SLC5A10: variants seen among roughly 807,000 people sequenced by gnomAD.
The protein encoded by SLC5A10 is sodium/mannose cotransporter SLC5A10.
In SLC5A10, 55 loss-of-function variants were observed where a neutral mutation model predicts 68.9. The observed-to-expected ratio is 0.80, with a 90% confidence interval of 0.64 to 1.00. The LOEUF is 1.00. Among genes scored for constraint, SLC5A10 ranks in the 50% least tolerant of loss-of-function variants. The probability of loss-of-function intolerance (pLI) is 0.00; values close to 1 mark genes in which losing one functional copy is unlikely to be tolerated. For synonymous variants in SLC5A10, 344 were observed against 344.8 expected, an observed-to-expected ratio of 1.00 and a Z score of 0.02; for missense variants, 732 against 819.3, an observed-to-expected ratio of 0.89 and a Z score of 1.30.
rs1397182034 is a variant in SLC5A10, at chr17:19,003,143, G to T, written c.983-10267G>T. On this transcript the variant is annotated intron_variant, in intron 9 of 14. Coordinates refer to ENST00000395645, the MANE Select transcript of SLC5A10 (RefSeq NM_001042450.4). This position sits in a 1 kb window ranked among gnomAD's most constrained non-coding sequence, Gnocchi z 4.5. ...CTCCCCACCAGAGAGCTCATGGTGT[G>T]TGCGCGCCTTTACAGTGAATCAGAG... Among the ~76,000 whole-genome samples, 2 of 151,412 alleles carry T rather than the reference G, an allele frequency of 1.3e-5. No homozygotes were observed. The highest frequency in any genetic ancestry group is 2.9e-5 in the Non-Finnish European group (2 of 67,912).
In SLC5A10 at chr17:19,021,036, C is replaced by T. The variant is rs2044257004; in HGVS notation, c.*605C>T. On this transcript the variant is annotated 3_prime_UTR_variant, in exon 15 of 15. Coordinates refer to ENST00000395645, the MANE Select transcript of SLC5A10 (RefSeq NM_001042450.4). The surrounding 1 kb of genome is among the most constrained non-coding windows in gnomAD (Gnocchi z 4.1). ...GCCCTGCTCATATCCCTGATCATGG[C>T]ACATTCTCTGGAGGACCCTCCTGTT... The T allele has an allele frequency of 6.5e-6, 1 of 152,896 alleles. No homozygotes were observed. The highest frequency in any genetic ancestry group is 1.5e-5 in the Non-Finnish European group (1 of 68,590). The allele number at this position is 152,896 out of a possible 1,614,324, so 9.5% of individuals were successfully genotyped here. A position where few individuals can be genotyped will look rare whatever the true frequency, so the allele number is the denominator to read the frequency against.
In SLC5A10 at chr17:19,017,780, C is replaced by T. The variant is rs2044171900; in HGVS notation, c.1242-1643C>T. ...CCCTCCTTGAGATGTTCCACAGTAA[C>T]TGTGGCTGCAGCCCAGGGAGATGCT... On this transcript the variant is annotated intron_variant, in intron 11 of 14. Transcript: ENST00000395645. This position sits in a 1 kb window ranked among gnomAD's most constrained non-coding sequence, Gnocchi z 5.6. 1 of 184,802 alleles carries T rather than the reference C, an allele frequency of 5.4e-6. No homozygotes were observed. Among genetic ancestry groups the T allele is most frequent in the Admixed American group, 5.8e-5 (1 of 17,342 alleles). The allele number at this position is 184,802 out of a possible 1,614,324, so 11.4% of individuals were successfully genotyped here.
intron 8 of SLC5A10, among the ~76,000 whole-genome samples, chr17:18,972,812 T>C (rs1481907758): frequency 6.7e-6 from 1 of 149,220 alleles, no homozygotes; most frequent in Admixed American, 6.7e-5. Context: ...CAGTGAGCAG[T>C]GAGCCGAGAT....
rs747351505 is a variant in SLC5A10, at chr17:18,958,772, C to T, written c.183+19C>T. The T allele has an allele frequency of 1.9e-6, 3 of 1,613,674 alleles. No homozygotes were observed. The Admixed American group carries it at 5.0e-5, about 27-fold the overall frequency. On this transcript the variant is annotated intron_variant, in intron 2 of 14. Transcript: ENST00000395645. ...GTGGCCGGTGAGTGCACCCTGACTTCTCACACACCCCCACTTTGTCCGTGG... is the reference window on the plus strand; with the variant it reads ...GTGGCCGGTGAGTGCACCCTGACTTTTCACACACCCCCACTTTGTCCGTGG...
intron 9 of SLC5A10, chr17:18,978,908 C>G (rs1245316134): frequency 2.2e-5 from 35 of 1,578,376 alleles, no homozygotes; most frequent in Non-Finnish European, 3.0e-5. Context: ...TCCGCCCAGC[C>G]CCCGTGCACC....
In SLC5A10 at chr17:18,958,761, C is replaced by A. The variant is rs777243900; in HGVS notation, c.183+8C>A. On this transcript the variant is annotated splice_region_variant and intron_variant, in intron 2 of 14. Transcript: ENST00000395645. ...GACATGACGTGGTGGCCGGTGAGTGCACCCTGACTTCTCACACACCCCCAC... is the reference window on the plus strand; with the variant it reads ...GACATGACGTGGTGGCCGGTGAGTGAACCCTGACTTCTCACACACCCCCAC... The A allele has an allele frequency of 6.2e-7, 1 of 1,614,084 alleles. No homozygotes were observed. The highest frequency in any genetic ancestry group is 1.7e-5 in the Admixed American group (1 of 60,022).
In SLC5A10 at chr17:18,968,994, A is replaced by G. The variant is rs2042769264; in HGVS notation, c.454-58A>G. On this transcript the variant is annotated intron_variant, in intron 5 of 14. Transcript: ENST00000395645. The surrounding 1 kb of genome is among the most constrained non-coding windows in gnomAD (Gnocchi z 4.1). ...GGGCCTTGCCCGAGGTCACCCAGGG[A>G]GTGGCTTGCTGGAGCCCTGGGAATA... 6.5e-7 allele frequency: 1 copy of G among 1,534,958 alleles called. No homozygotes were observed. Among genetic ancestry groups the G allele is most frequent in the East Asian group, 2.3e-5 (1 of 43,410 alleles).
At chr17:18,977,831 GC>G in intron 9 of SLC5A10, 1 of 1,609,724 alleles carries the variant, frequency 6.2e-7, no homozygotes. Context: ...CACAGAGGAA[GC>G]CACTGAGGGC....
chr17:18,951,700 T>G (rs1297966557), upstream of SLC5A10: 2 of 153,838 alleles, frequency 1.3e-5, no homozygotes. Context: ...TGAGCCATAA[T>G]GCAGGTGTCC....
At chr17:19,011,189 T>C (rs1021418462) in intron 9 of SLC5A10, among the ~76,000 whole-genome samples, 32 of 152,274 alleles carry the variant, frequency 2.1e-4, no homozygotes, top group African/African-American at 7.7e-4. Context: ...TCTTTGGCCT[T>C]AGGAGCCCTT....
At chr17:18,961,090 C>T (rs2042605623) in intron 5 of SLC5A10, among the ~76,000 whole-genome samples, 2 of 152,212 alleles carry the variant, frequency 1.3e-5, no homozygotes, top group Non-Finnish European at 2.9e-5. Context: ...ATCACTGACA[C>T]CCATCCTTGG....
In SLC5A10 at chr17:18,959,192, G is replaced by T. The variant is rs2151992901; in HGVS notation, c.241G>T (p.Gly81Cys). The change falls in exon 3 of 15, where the codon GGC becomes TGC. Residue 81 changes from glycine to cysteine, a missense_variant. Gly to Cys is a radical substitution (Grantham distance 159). Transcript: ENST00000395645. ...EGSGLFIGLA[G>C]SGAAGGLAVA... The stretch of plus-strand genomic sequence containing the variant: ...CTCTGGCCTCTTCATTGGACTGGCG[G>T]GCTCAGGCGCGGCAGGAGGTCTGGC... 3.7e-6 allele frequency: 6 copies of T among 1,613,694 alleles called. No individual in the cohort carries two copies. The highest frequency in any genetic ancestry group is 5.1e-6 in the Non-Finnish European group (6 of 1,180,004).
At chr17:18,977,498 G>T in intron 9 of SLC5A10, 2 of 1,310,678 alleles carry the variant, frequency 1.5e-6, no homozygotes, top group Non-Finnish European at 2.1e-6. Context: ...TCAGGGACAT[G>T]GTAGCCCAGA....
intron 9 of SLC5A10, among the ~76,000 whole-genome samples, chr17:18,984,566 AGAAACGG>A (rs879528134): frequency 6.6e-6 from 1 of 152,224 alleles, no homozygotes; most frequent in Non-Finnish European, 1.5e-5. Flanking sequence ...TTTGTTCATC[AGAAACGG>A]GAAACGGGTC....
intron 8 of SLC5A10, among the ~76,000 whole-genome samples, chr17:18,975,361 G>A (rs753767189): frequency 1.3e-5 from 2 of 152,150 alleles, no homozygotes; most frequent in African/African-American, 4.8e-5. Context: ...GCTGGGAGCC[G>A]TCCGTTAAAC....
At chr17:18,966,088 GGCCGTGAAGCACTGGCA>G (rs1383070078) in intron 5 of SLC5A10, among the ~76,000 whole-genome samples, 3 of 152,208 alleles carry the variant, frequency 2.0e-5, no homozygotes, top group African/African-American at 7.2e-5. Flanking sequence ...GGACAACCAG[GGCCGTGAAGCACTGGCA>G]GGGTTTCTGG....
intron 9 of SLC5A10, among the ~76,000 whole-genome samples, chr17:18,984,499 C>A (rs1433485219): frequency 6.6e-6 from 1 of 152,248 alleles, no homozygotes; most frequent in Non-Finnish European, 1.5e-5. Flanking sequence ...GCCTGAGCGG[C>A]AGCGATCCTC....
At chr17:19,014,944 G>A (rs913617533) in intron 10 of SLC5A10, 105 bp from the exon 11 acceptor site, 2 of 1,366,320 alleles carry the variant, frequency 1.5e-6, no homozygotes, top group Non-Finnish European at 2.0e-6. Context: ...CCTTGGAGGA[G>A]CATGCAAATG....
chr17:18,982,585 AGGGGAGGACGGCC>A (rs1310407689), intron 9 of SLC5A10, among the ~76,000 whole-genome samples: 2 of 152,176 alleles, frequency 1.3e-5, no homozygotes, highest in African/African-American at 4.8e-5. Context: ...GAGTCAGGGC[AGGGGAGGACGGCC>A]GGGTGGTGCT....
Sources: allele counts gnomAD v4.1 joint callset (sites outside exome capture counted in the v4.1 genomes callset), GRCh38; gene constraint gnomAD v4.1.1; non-coding constraint Gnocchi (gnomAD v3.1); transcripts MANE v1.5; gene names NCBI Gene and HGNC (gene_info 2026-07-23, HGNC 2026-07-21).